EYS: variants seen among roughly 807,000 people sequenced by gnomAD.
EYS encodes the protein EGF-like photoreceptor maintenance factor.
A neutral mutation model predicts 282.1 loss-of-function variants in EYS; 250 were observed. That is an observed-to-expected ratio of 0.89 (90% confidence interval 0.80 to 0.98). The LOEUF is 0.98. Ranked by LOEUF, EYS falls within the 50% of genes least tolerant of loss-of-function variation. The pLI, the probability that EYS is intolerant of heterozygous loss-of-function variation, is 0.00. For synonymous variants in EYS, 1,355 were observed against 1,282.9 expected (o/e 1.06, Z -1.20); for missense variants, 4,016 against 3,709.0 (o/e 1.08, Z -2.15).
intron 8 of EYS, among the ~76,000 whole-genome samples, chr6:65,361,915 A>G (rs1049387435): frequency 2.0e-5 from 3 of 152,188 alleles, no homozygotes; most frequent in South Asian, 2.1e-4. Flanking sequence ...AATTGAGCAA[A>G]TACTGGAATT....
intron 37 of EYS, among the ~76,000 whole-genome samples, chr6:63,792,118 G>C (rs943568647): frequency 1.3e-5 from 2 of 151,866 alleles, no homozygotes; most frequent in Admixed American, 1.3e-4. Flanking sequence ...GGAACAGTCT[G>C]GGGGAAAAGG....
chr6:64,193,123 A>G (rs902017072), intron 31 of EYS, among the ~76,000 whole-genome samples: 2 of 152,188 alleles, frequency 1.3e-5, no homozygotes, highest in Non-Finnish European at 2.9e-5. Flanking sequence ...TTTCTTCCAT[A>G]TAAATTTTAG....
chr6:65,609,784 A>C (rs532687661), intron 2 of EYS, among the ~76,000 whole-genome samples: 1 of 152,194 alleles, frequency 6.6e-6, no homozygotes, highest in Non-Finnish European at 1.5e-5. Context: ...CATAATATGA[A>C]TATGTATCAT....
chr6:64,923,673 C>A (rs1768424755), intron 15 of EYS, among the ~76,000 whole-genome samples: 2 of 152,178 alleles, frequency 1.3e-5, no homozygotes, highest in South Asian at 4.1e-4. Flanking sequence ...TGGGTAAGTA[C>A]AGCTGTTCCA....
At chr6:63,760,486 T>C (rs1029077956) in intron 41 of EYS, among the ~76,000 whole-genome samples, 1 of 152,058 alleles carries the variant, frequency 6.6e-6, no homozygotes, top group African/African-American at 2.4e-5. Context: ...ATTGTTATTT[T>C]ATAGAATATC....
At chr6:63,891,288 G>T (rs1187768663) in intron 35 of EYS, among the ~76,000 whole-genome samples, 1 of 152,222 alleles carries the variant, frequency 6.6e-6, no homozygotes, top group Admixed American at 6.5e-5. Flanking sequence ...AGCAAAAAAA[G>T]ATCATTTCAG....
At chr6:64,408,194 A>T (rs997366627) in intron 28 of EYS, among the ~76,000 whole-genome samples, 5 of 151,884 alleles carry the variant, frequency 3.3e-5, no homozygotes, top group Admixed American at 3.3e-4. Flanking sequence ...AATAAATAAT[A>T]ATAAATAATG....
At chr6:64,171,033 T>C (rs1764462658) in intron 31 of EYS, among the ~76,000 whole-genome samples, 1 of 152,160 alleles carries the variant, frequency 6.6e-6, no homozygotes, top group Non-Finnish European at 1.5e-5. Flanking sequence ...TTCTTCTGCT[T>C]ACTATATTGC....
chr6:65,486,704 A>G (rs978872071), intron 5 of EYS, among the ~76,000 whole-genome samples: 6 of 152,184 alleles, frequency 3.9e-5, no homozygotes, highest in African/African-American at 1.2e-4. Context: ...ACTAGAGCAT[A>G]ATGGAAATAA....
intron 19 of EYS, among the ~76,000 whole-genome samples, chr6:64,849,404 G>C (rs1355097093): frequency 2.0e-5 from 3 of 151,916 alleles, no homozygotes; most frequent in African/African-American, 7.2e-5. Flanking sequence ...TTTGAAACTA[G>C]AAATGTCTTG....
chr6:63,737,749 G>A (rs1356750546), intron 41 of EYS, among the ~76,000 whole-genome samples: 1 of 150,902 alleles, frequency 6.6e-6, no homozygotes, highest in Non-Finnish European at 1.5e-5. Context: ...GCTAATTAAA[G>A]TGAAGAGCTT....
intron 10 of EYS, among the ~76,000 whole-genome samples, chr6:65,341,044 C>T (rs9445508): frequency 0.67 from 100,808 of 150,644 alleles, 33,826 homozygotes; most frequent in South Asian, 0.72. Flanking sequence ...CGAATATATA[C>T]AAATAGGAAA....
At chr6:65,534,913 G>A in intron 2 of EYS, among the ~76,000 whole-genome samples, 1 of 152,034 alleles carries the variant, frequency 6.6e-6, no homozygotes, top group Non-Finnish European at 1.5e-5. Context: ...TGGAAAACAC[G>A]ATGTTTCTGT....
chr6:64,476,876 T>A (rs1004082221), intron 26 of EYS, among the ~76,000 whole-genome samples: 1 of 152,158 alleles, frequency 6.6e-6, no homozygotes, highest in Non-Finnish European at 1.5e-5. Context: ...CAGTTTCTCA[T>A]CGACTTGATG....
At chr6:64,336,247 A>G (rs533166994) in intron 29 of EYS, among the ~76,000 whole-genome samples, 22 of 152,240 alleles carry the variant, frequency 1.4e-4, no homozygotes, top group Middle Eastern at 3.4e-3. Flanking sequence ...AGACTCACCT[A>G]ACACAAAAAG....
intron 31 of EYS, among the ~76,000 whole-genome samples, chr6:64,181,917 T>G (rs1189889424): frequency 6.6e-6 from 1 of 152,188 alleles, no homozygotes; most frequent in East Asian, 1.9e-4. Context: ...TATGATGTTA[T>G]CTCGGATTTG....
intron 2 of EYS, among the ~76,000 whole-genome samples, chr6:65,555,958 T>C (rs1390038243): frequency 6.6e-6 from 1 of 152,240 alleles, no homozygotes; most frequent in African/African-American, 2.4e-5. Flanking sequence ...ATTTTCACTT[T>C]TTTAACATGG....
At chr6:64,517,652 C>G (rs937575016) in intron 26 of EYS, among the ~76,000 whole-genome samples, 4 of 151,742 alleles carry the variant, frequency 2.6e-5, no homozygotes, top group African/African-American at 9.7e-5. Context: ...GGGAAAGGAT[C>G]TTCATGTTCA....
intron 31 of EYS, among the ~76,000 whole-genome samples, chr6:64,164,857 A>T (rs1262195673): frequency 6.6e-6 from 1 of 152,160 alleles, no homozygotes; most frequent in Admixed American, 6.5e-5. Context: ...AAATAATTCT[A>T]CTAAATAGAA....
Sources: allele counts gnomAD v4.1 joint callset (sites outside exome capture counted in the v4.1 genomes callset), GRCh38; gene constraint gnomAD v4.1.1; transcripts MANE v1.5; gene names NCBI Gene and HGNC (gene_info 2026-07-23, HGNC 2026-07-21).